SVIL: variants seen among roughly 807,000 people sequenced by gnomAD.
The protein encoded by SVIL is supervillin.
SVIL carries 101 observed loss-of-function variants against 240.4 expected under a neutral mutation model. That is an observed-to-expected ratio of 0.42 (90% confidence interval 0.36 to 0.50). The LOEUF (loss-of-function observed/expected upper bound fraction) is 0.50. Among genes scored for constraint, SVIL ranks in the 20% least tolerant of loss-of-function variants. The pLI is 0.01. For synonymous variants in SVIL, 999 were observed against 1,100.0 expected, an observed-to-expected ratio of 0.91 and a Z score of 1.82; for missense variants, 2,512 against 2,818.7, an observed-to-expected ratio of 0.89 and a Z score of 2.46.
intron 22 of SVIL, among the ~76,000 whole-genome samples, chr10:29,489,128 C>A (rs1473491072): frequency 6.6e-6 from 1 of 152,182 alleles, no homozygotes; most frequent in African/African-American, 2.4e-5. Context: ...GTATAGATGC[C>A]AGATGACTGT....
chr10:29,654,818 T>C (rs1210276684), intron 3 of SVIL, among the ~76,000 whole-genome samples: 1 of 152,200 alleles, frequency 6.6e-6, no homozygotes, highest in African/African-American at 2.4e-5. Flanking sequence ...CTGGGGCCAC[T>C]GGTGCACATG....
intron 36 of SVIL, among the ~76,000 whole-genome samples, chr10:29,460,505 T>C (rs1397668120): frequency 6.6e-6 from 1 of 152,212 alleles, no homozygotes; most frequent in Non-Finnish European, 1.5e-5. Flanking sequence ...CTGATGTTTA[T>C]GATTTCTTTG....
intron 1 of SVIL, among the ~76,000 whole-genome samples, chr10:29,697,551 T>C (rs1589534839): frequency 9.1e-6 from 1 of 109,506 alleles, no homozygotes; most frequent in South Asian, 3.1e-4. Flanking sequence ...ATGTGCTGTG[T>C]CCACTCAGGG....
At chr10:29,642,417 GAGAAAGAAAGAAAGAAAGAAAGAA>G (rs71020802) in intron 3 of SVIL, among the ~76,000 whole-genome samples, 12 of 123,454 alleles carry the variant, frequency 9.7e-5, no homozygotes, top group Admixed American at 8.6e-4. Flanking sequence ...GAGAGAGAGT[GAGAAAGAAAGAAAGAAAGAAAGAA>G]AGAAAGAAAG....
rs76677430 is a variant in SVIL at position 29,648,635 on chromosome 10, C to G, written c.-201+9334G>C. Among the ~76,000 whole-genome samples, 159 of 152,292 alleles carry G rather than the reference C, an allele frequency of 1.0e-3. 1 individual carries two copies. The highest frequency in any genetic ancestry group is 3.6e-3 in the African/African-American group (148 of 41,562). ...CTCTTGGCAATCACTTTCTCTTGCT[C>G]TTTTAAAATCAAGAAATCAAAGTGC... is the stretch of plus-strand genomic sequence containing the variant. On this transcript the variant is annotated intron_variant, in intron 3 of 35. Coordinates refer to the SVIL transcript ENST00000375400.
intron 3 of SVIL, among the ~76,000 whole-genome samples, chr10:29,561,844 C>T (rs1448195261): frequency 6.6e-6 from 1 of 152,120 alleles, no homozygotes; most frequent in Non-Finnish European, 1.5e-5. Context: ...TACTTTTGGC[C>T]TCTGGAGCAA....
At chr10:29,482,028 T>TTC (rs1250337563) in intron 27 of SVIL, among the ~76,000 whole-genome samples, 3 of 50,404 alleles carry the variant, frequency 6.0e-5, no homozygotes, top group African/African-American at 5.5e-4. Context: ...TTTCTTTTTT[T>TTC]TTTTTTTTTT....
At chr10:29,466,958 CCATTGCTGCCCAGCCT>C (rs1261330419) in intron 33 of SVIL, among the ~76,000 whole-genome samples, 2 of 152,084 alleles carry the variant, frequency 1.3e-5, no homozygotes, top group Non-Finnish European at 2.9e-5. Flanking sequence ...TGAGGATACT[CCATTGCTGCCCAGCCT>C]TGGGCAAGTT....
chr10:29,547,776 G>A (rs1033884875), intron 6 of SVIL, among the ~76,000 whole-genome samples: 3 of 152,074 alleles, frequency 2.0e-5, no homozygotes, highest in African/African-American at 4.8e-5. Context: ...CCGTGATAAC[G>A]ACTTCAACAG....
chr10:29,527,370 C>T lies in SVIL; in HGVS notation c.2247-314G>A, dbSNP rs12259428. On this transcript the variant is annotated intron_variant, in intron 12 of 37. Coordinates refer to ENST00000355867, the MANE Select transcript of SVIL (RefSeq NM_021738.3). ...ATTCAAAAAAGCAAATATTAGCTAT[C>T]AAAAAATCAGTAGATTATGTCTGTG... Among the ~76,000 whole-genome samples the T allele has an allele frequency of 7.8e-3, 1,181 of 152,218 alleles. 20 individuals are homozygous for T. Among genetic ancestry groups the T allele is most frequent in the African/African-American group, 0.026 (1,097 of 41,534 alleles).
chr10:29,487,153 A>G lies in SVIL; in HGVS notation c.4485+10T>C, dbSNP rs1486270207. On this transcript the variant is annotated intron_variant, in intron 24 of 37. Transcript: ENST00000355867. ...GTTAGCTAAAGCATTTTTATTTTTCAGGTACCAACCTTCGCCTTTTCTATG... is the reference window on the plus strand; with the variant it reads ...GTTAGCTAAAGCATTTTTATTTTTCGGGTACCAACCTTCGCCTTTTCTATG... 7 of 1,613,026 alleles carry G rather than the reference A, an allele frequency of 4.3e-6. No individual in the cohort carries two copies. Among genetic ancestry groups the G allele is most frequent in the Non-Finnish European group, 5.9e-6 (7 of 1,179,444 alleles).
At chr10:29,590,549 C>T (rs1956352715) in intron 1 of SVIL, among the ~76,000 whole-genome samples, 2 of 152,286 alleles carry the variant, frequency 1.3e-5, no homozygotes, top group Admixed American at 1.3e-4. Context: ...CACCTTCTGG[C>T]TAGTAGATCA....
rs949142246 is a variant in SVIL at position 29,484,078 on chromosome 10, T to C, written c.4955+578A>G. 6.6e-6 allele frequency among the ~76,000 whole-genome samples: 1 copy of C among 152,236 alleles called. No homozygotes were observed. The highest frequency in any genetic ancestry group is 1.5e-5 in the Non-Finnish European group (1 of 68,042). ...AATTTCTGACTTTGCACATATTCTA[T>C]TGAATTGCCAAAATGACTTTAAAGA... On this transcript the variant is annotated intron_variant, in intron 27 of 37. Coordinates refer to ENST00000355867, the MANE Select transcript of SVIL (RefSeq NM_021738.3). The surrounding 1 kb of genome is among the most constrained non-coding windows in gnomAD (Gnocchi z 4.7).
intron 3 of SVIL, among the ~76,000 whole-genome samples, chr10:29,645,936 T>A (rs183084957): frequency 2.0e-5 from 3 of 152,204 alleles, no homozygotes; most frequent in Admixed American, 2.0e-4. Flanking sequence ...ACAACTATAG[T>A]TATTCAGGAG....
At chr10:29,733,767 G>C (rs537055762) in intron 1 of SVIL, among the ~76,000 whole-genome samples, 4 of 152,322 alleles carry the variant, frequency 2.6e-5, no homozygotes, top group African/African-American at 9.6e-5. Context: ...TACCTAGGAC[G>C]TTCCAAGTCC....
chr10:29,476,372 A>G (rs191583862), intron 29 of SVIL, among the ~76,000 whole-genome samples: 8 of 152,342 alleles, frequency 5.3e-5, no homozygotes, highest in African/African-American at 1.9e-4. Flanking sequence ...TTGCAAACAG[A>G]CTTGAGTGTA....
At chr10:29,615,875 G>A (rs565327801) in intron 1 of SVIL, among the ~76,000 whole-genome samples, 131 of 152,298 alleles carry the variant, frequency 8.6e-4, no homozygotes, top group African/African-American at 3.1e-3. Flanking sequence ...ATAATTCAGA[G>A]TTTGCCATAA....
chr10:29,642,635 T>C (rs1958527659), intron 3 of SVIL, among the ~76,000 whole-genome samples: 1 of 152,116 alleles, frequency 6.6e-6, no homozygotes, highest in African/African-American at 2.4e-5. Flanking sequence ...TTAATAAATG[T>C]TTGTGATGTG....
At chr10:29,523,090 G>A (rs570108492) in intron 15 of SVIL, among the ~76,000 whole-genome samples, 50 of 152,268 alleles carry the variant, frequency 3.3e-4, no homozygotes, top group African/African-American at 1.2e-3. Flanking sequence ...TAGCGATTCA[G>A]AGACTGGGGT....
Sources: allele counts gnomAD v4.1 joint callset (sites outside exome capture counted in the v4.1 genomes callset), GRCh38; gene constraint gnomAD v4.1.1; non-coding constraint Gnocchi (gnomAD v3.1); transcripts MANE v1.5; gene names NCBI Gene and HGNC (gene_info 2026-07-23, HGNC 2026-07-21).